The following NCALD variants were observed in gnomAD, a reference collection of about 807,000 sequenced individuals.
NCALD encodes the protein neurocalcin delta.
In NCALD, 10 loss-of-function variants were observed where a neutral mutation model predicts 18.6. The ratio of observed to expected loss-of-function variants is 0.54; its 90% CI spans 0.33 to 0.91. The LOEUF (loss-of-function observed/expected upper bound fraction) is 0.91, where lower values mean the gene tolerates loss of function less well. NCALD is among the 40% of genes least tolerant of loss of function. The pLI is 0.03. For synonymous variants in NCALD, 88 were observed against 87.4 expected (o/e 1.01, Z -0.04); for missense variants, 184 against 247.6 (o/e 0.74, Z 1.72).
chr8:101,982,948 TCTTCC>T (rs1399544838), intron 2 of NCALD, among the ~76,000 whole-genome samples: 14 of 152,242 alleles, frequency 9.2e-5, no homozygotes, highest in Non-Finnish European at 2.1e-4. Flanking sequence ...AGACACATGC[TCTTCC>T]CTTCCATCTT....
intron 2 of NCALD, among the ~76,000 whole-genome samples, chr8:102,008,832 A>G (rs1458275059): frequency 6.6e-6 from 1 of 151,754 alleles, no homozygotes; most frequent in Non-Finnish European, 1.5e-5. Context: ...GGCCACATAA[A>G]ACTTGTATTA....
intron 1 of NCALD, among the ~76,000 whole-genome samples, chr8:101,744,577 G>C (rs1346082167): frequency 6.6e-6 from 1 of 152,152 alleles, no homozygotes; most frequent in Non-Finnish European, 1.5e-5. Flanking sequence ...GTTTCAGGCT[G>C]TGCAGAGATC....
rs80016522 is a variant in NCALD at position 101,832,361 on chromosome 8, C to T, written c.-20+54780G>A. ...AGGGAACTTAGACCCACACACTGGA[C>T]GGAGCATTTGAACTTCTTCCTCTCC... On this transcript the variant is annotated intron_variant, in intron 4 of 6. Transcript: ENST00000311028. Among the ~76,000 whole-genome samples, 1,277 of 152,266 alleles carry T rather than the reference C, an allele frequency of 8.4e-3. 12 individuals are homozygous for T. Among genetic ancestry groups the T allele is most frequent in the Middle Eastern group, 0.037 (11 of 294 alleles).
intron 2 of NCALD, among the ~76,000 whole-genome samples, chr8:101,955,969 A>C (rs1409845276): frequency 1.3e-5 from 2 of 152,152 alleles, no homozygotes; most frequent in Non-Finnish European, 2.9e-5. Flanking sequence ...AGTAGTTTAG[A>C]AAAAAACGTA....
At chr8:102,103,248 C>CT (rs1825346306) in intron 1 of NCALD, among the ~76,000 whole-genome samples, 3 of 151,812 alleles carry the variant, frequency 2.0e-5, no homozygotes, top group African/African-American at 7.3e-5. Context: ...ACACTCTACC[C>CT]TTTCTCTGCC....
intron 1 of NCALD, among the ~76,000 whole-genome samples, chr8:102,108,323 A>G (rs1825537980): frequency 6.6e-6 from 1 of 152,246 alleles, no homozygotes; most frequent in South Asian, 2.1e-4. Flanking sequence ...TGACCAGTCG[A>G]GTAACCTAAA....
At chr8:102,053,022 A>AT (rs1823506809) in intron 1 of NCALD, among the ~76,000 whole-genome samples, 1 of 152,246 alleles carries the variant, frequency 6.6e-6, no homozygotes, top group Non-Finnish European at 1.5e-5. Flanking sequence ...TTGCCCTAAA[A>AT]GAAATCTCAA....
At chr8:101,800,456 A>G (rs577641089) in intron 4 of NCALD, among the ~76,000 whole-genome samples, 4 of 151,502 alleles carry the variant, frequency 2.6e-5, no homozygotes, top group Non-Finnish European at 4.4e-5. Flanking sequence ...TTCCCAAAAG[A>G]AGGAGGAAAA....
At chr8:102,106,460 TATATATAC>T (rs967645660) in intron 1 of NCALD, among the ~76,000 whole-genome samples, 1 of 141,684 alleles carries the variant, frequency 7.1e-6, no homozygotes, top group Non-Finnish European at 1.5e-5. Context: ...TATATATATA[TATATATAC>T]ACACACACAC....
At chr8:101,938,215 T>C (rs1178533343) in intron 2 of NCALD, among the ~76,000 whole-genome samples, 1 of 152,222 alleles carries the variant, frequency 6.6e-6, no homozygotes, top group African/African-American at 2.4e-5. Flanking sequence ...TTAGCCTCAT[T>C]AGACTTCTGG....
chr8:101,692,757 A>C (rs777637674), intron 3 of NCALD, 34 bp downstream of exon 3: 2 of 1,572,038 alleles, frequency 1.3e-6, no homozygotes, highest in Middle Eastern at 3.4e-4. Flanking sequence ...AGCAGCCCCC[A>C]TCTGAGCAAA....
At chr8:102,070,872 C>G (rs1023405921) in intron 1 of NCALD, among the ~76,000 whole-genome samples, 1 of 152,136 alleles carries the variant, frequency 6.6e-6, no homozygotes, top group African/African-American at 2.4e-5. Flanking sequence ...TCATCCTCAC[C>G]CCTTAATACG....
At chr8:101,741,312 A>C (rs1195788526) in intron 1 of NCALD, among the ~76,000 whole-genome samples, 2 of 152,246 alleles carry the variant, frequency 1.3e-5, no homozygotes, top group Non-Finnish European at 1.5e-5. Context: ...TTATCTATTT[A>C]ATCTTGCAGC....
chr8:101,752,044 T>C (rs1057246547), intron 1 of NCALD, among the ~76,000 whole-genome samples: 4 of 152,224 alleles, frequency 2.6e-5, no homozygotes, highest in Non-Finnish European at 5.9e-5. Context: ...ATTAAATATA[T>C]ATTTTAAAGT....
intron 1 of NCALD, among the ~76,000 whole-genome samples, chr8:102,026,214 T>C (rs1350376704): frequency 6.6e-6 from 1 of 152,168 alleles, no homozygotes; most frequent in Non-Finnish European, 1.5e-5. Flanking sequence ...CAAAACACAA[T>C]TATTCCTTTC....
At chr8:101,946,898 T>C (rs181886411) in intron 2 of NCALD, among the ~76,000 whole-genome samples, 10 of 146,562 alleles carry the variant, frequency 6.8e-5, no homozygotes, top group Admixed American at 2.0e-4. Flanking sequence ...GCCAACACCA[T>C]AGACATCTCA....
intron 4 of NCALD, among the ~76,000 whole-genome samples, chr8:101,861,413 A>G (rs1815537237): frequency 6.6e-6 from 1 of 152,072 alleles, no homozygotes. Context: ...AGACCACACT[A>G]TATACAGAAC....
intron 4 of NCALD, among the ~76,000 whole-genome samples, chr8:101,834,576 C>T (rs1814332936): frequency 1.3e-5 from 2 of 152,242 alleles, no homozygotes; most frequent in Non-Finnish European, 2.9e-5. Context: ...TGGGCTCTCC[C>T]TGTTCTTCAG....
At chr8:101,933,090 TTCTACCCTGACCTAGGATCATGG>T (rs1478290480) in intron 2 of NCALD, among the ~76,000 whole-genome samples, 1 of 152,224 alleles carries the variant, frequency 6.6e-6, no homozygotes, top group East Asian at 1.9e-4. Context: ...TTGCTTGTGT[TTCTACCCTGACCTAGGATCATGG>T]TCTACCCTAA....
Sources: allele counts gnomAD v4.1 joint callset (sites outside exome capture counted in the v4.1 genomes callset), GRCh38; gene constraint gnomAD v4.1.1; transcripts MANE v1.5; gene names NCBI Gene and HGNC (gene_info 2026-07-23, HGNC 2026-07-21).